The following CLTB variants were observed in gnomAD, a reference collection of about 807,000 sequenced individuals.
CLTB encodes clathrin, light chain (Lcb).
CLTB carries 10 observed loss-of-function variants against 30.5 expected under a neutral mutation model. The ratio of observed to expected loss-of-function variants is 0.33; its 90% CI spans 0.20 to 0.56. The LOEUF (loss-of-function observed/expected upper bound fraction) is 0.56, where lower values mean the gene tolerates loss of function less well. Among genes scored for constraint, CLTB ranks in the 20% least tolerant of loss-of-function variants. CLTB has a pLI of 0.91. For missense variants in CLTB, 261 were observed against 308.3 expected, an observed-to-expected ratio of 0.85 and a Z score of 1.15; for synonymous variants, 102 against 120.3, an observed-to-expected ratio of 0.85 and a Z score of 1.00.
At position 176,416,381 on chromosome 5, in the gene CLTB, C is replaced by T; in HGVS notation, c.-18G>A. 6.3e-7 allele frequency: 1 copy of T among 1,582,272 alleles called. No individual in the cohort carries two copies. ...TCAGCCATTTTCCCCGCGCCTCCGC[C>T]GGAGCCTCCGCTGCGCTCGGCTCTG... On this transcript the variant is annotated 5_prime_UTR_variant, in exon 1 of 6. Coordinates refer to ENST00000310418, the MANE Select transcript of CLTB (RefSeq NM_007097.5).
chr5:176,397,427 GCTCC>G (rs1303244563), intron 4 of CLTB, among the ~76,000 whole-genome samples, 176 bp downstream of exon 4: 1 of 101,116 alleles, frequency 9.9e-6, no homozygotes, highest in Non-Finnish European at 1.9e-5. Context: ...TGTCCCCACA[GCTCC>G]CTCATGTCCC....
intron 2 of CLTB, among the ~76,000 whole-genome samples, chr5:176,401,441 C>G (rs908450750): frequency 1.3e-5 from 2 of 152,228 alleles, no homozygotes; most frequent in Non-Finnish European, 2.9e-5. Context: ...TGTGCCAGCC[C>G]ATGTGGGTGT....
intron 1 of CLTB, among the ~76,000 whole-genome samples, chr5:176,414,683 C>A (rs1757608981): frequency 6.6e-6 from 1 of 152,092 alleles, no homozygotes; most frequent in South Asian, 2.1e-4. Context: ...AGCATGGAGC[C>A]CAGAGTTGGG....
Position 176,393,134 on chromosome 5 carries a change from C to T in CLTB, c.519-189G>A, listed in dbSNP as rs1315883351. The stretch of plus-strand genomic sequence containing the variant: ...GCTTGGTCCTGCCTCAGGACCTTGG[C>T]ACTTGCTATCACCTCTTCCTGGAAC... On this transcript the variant is annotated intron_variant, in intron 5 of 5. Coordinates refer to ENST00000310418, the MANE Select transcript of CLTB (RefSeq NM_007097.5). The surrounding 1 kb of genome is among the most constrained non-coding windows in gnomAD (Gnocchi z 4.4). Among the ~76,000 whole-genome samples the T allele has an allele frequency of 1.3e-5, 2 of 152,146 alleles. No individual in the cohort carries two copies. Among genetic ancestry groups the T allele is most frequent in the Non-Finnish European group, 2.9e-5 (2 of 68,024 alleles).
chr5:176,394,850 ACT>A (rs544288973), intron 5 of CLTB, among the ~76,000 whole-genome samples: 1 of 151,280 alleles, frequency 6.6e-6, no homozygotes, highest in South Asian at 2.1e-4. Context: ...CCTGGTCTAT[ACT>A]CTCTCTTCAG....
intron 2 of CLTB, among the ~76,000 whole-genome samples, chr5:176,404,639 C>A (rs1364826719): frequency 6.6e-6 from 1 of 152,196 alleles, no homozygotes; most frequent in Non-Finnish European, 1.5e-5. Flanking sequence ...CAAGCCTGGC[C>A]AAACTGGGCC....
chr5:176,414,540 A>G (rs1757600678), intron 1 of CLTB, among the ~76,000 whole-genome samples: 1 of 151,040 alleles, frequency 6.6e-6, no homozygotes. Flanking sequence ...GGCTCAAGCT[A>G]TGCTCCTGCC....
At chr5:176,412,843 G>A (rs1370122532) in intron 1 of CLTB, among the ~76,000 whole-genome samples, 1 of 152,154 alleles carries the variant, frequency 6.6e-6, no homozygotes, top group East Asian at 1.9e-4. Context: ...AGCATCTTCT[G>A]CAAAGGGGCT....
At chr5:176,403,462 T>G (rs919960409) in intron 2 of CLTB, among the ~76,000 whole-genome samples, 5 of 150,946 alleles carry the variant, frequency 3.3e-5, no homozygotes, top group African/African-American at 9.8e-5. Context: ...GTTTTGTTTT[T>G]TTTCTTTTTT....
chr5:176,410,955 C>T (rs1757397184), intron 1 of CLTB, among the ~76,000 whole-genome samples: 1 of 152,228 alleles, frequency 6.6e-6, no homozygotes. Flanking sequence ...GGGGCTTCTG[C>T]TACAACACTG....
intron 2 of CLTB, among the ~76,000 whole-genome samples, chr5:176,400,303 G>A (rs1330284507): frequency 1.3e-5 from 2 of 152,290 alleles, no homozygotes; most frequent in East Asian, 3.9e-4. Flanking sequence ...ATATTTAGAA[G>A]AGTGCTTGGT....
In CLTB at chr5:176,398,043, G is replaced by GC; in HGVS notation, c.238dup (p.Ala80GlyfsTer6). ...TGCGTAGCCATCAGCAGGACCGTTG[G>GC]CCTCCTAGAACACAAACACGCAGCA... is the stretch of plus-strand genomic sequence containing the variant. On this transcript the variant is annotated frameshift_variant, in exon 3 of 6. Transcript: ENST00000310418. LOFTEE classifies it high-confidence loss of function. 1 of 1,613,744 alleles carries GC rather than the reference G, an allele frequency of 6.2e-7. No homozygotes were observed. Among genetic ancestry groups the GC allele is most frequent in the Non-Finnish European group, 8.5e-7 (1 of 1,179,942 alleles).
chr5:176,395,134 A>C (rs1345943896), intron 5 of CLTB, among the ~76,000 whole-genome samples: 1 of 148,452 alleles, frequency 6.7e-6, no homozygotes, highest in African/African-American at 2.5e-5. Context: ...GTAGAGCTTC[A>C]GCCACTGCAG....
intron 2 of CLTB, chr5:176,406,227 G>C (rs1279311595): frequency 7.0e-6 from 7 of 1,006,734 alleles, no homozygotes; most frequent in African/African-American, 7.0e-5. Context: ...CCAGCGGCTA[G>C]AGCAATGTTC....
intron 3 of CLTB, 44 bp downstream of exon 3, chr5:176,397,886 A>G: frequency 6.4e-7 from 1 of 1,556,252 alleles, no homozygotes; most frequent in Middle Eastern, 1.7e-4. Context: ...ACTCCACCCC[A>G]CACACAGCCC....
At position 176,393,078 on chromosome 5, in the gene CLTB, G is replaced by A; in HGVS notation, c.519-133C>T. 1.0e-6 allele frequency: 1 copy of A among 997,222 alleles called. No homozygotes were observed. Among genetic ancestry groups the A allele is most frequent in the Non-Finnish European group, 1.5e-6 (1 of 654,266 alleles). The allele number at this position is 997,222 out of a possible 1,614,324, so 61.8% of individuals were successfully genotyped here. A position where few individuals can be genotyped will look rare whatever the true frequency, so the allele number is the denominator to read the frequency against. On this transcript the variant is annotated intron_variant, in intron 5 of 5. Coordinates refer to ENST00000310418, the MANE Select transcript of CLTB (RefSeq NM_007097.5). This position sits in a 1 kb window ranked among gnomAD's most constrained non-coding sequence, Gnocchi z 4.4. ...AGCCTTGTGCCCCCCTGACTTCAGAGGAGGGCAGCCTTGGCGCAGGAGGAA... is the reference window on the plus strand; with the variant it reads ...AGCCTTGTGCCCCCCTGACTTCAGAAGAGGGCAGCCTTGGCGCAGGAGGAA...
chr5:176,393,017 T>A lies in CLTB; in HGVS notation c.519-72A>T. 4.1e-5 allele frequency: 61 copies of A among 1,498,912 alleles called. No individual in the cohort carries two copies. The highest frequency in any genetic ancestry group is 5.1e-5 in the Non-Finnish European group (55 of 1,080,030). The allele number at this position is 1,498,912 out of a possible 1,614,324, so 92.9% of individuals were successfully genotyped here. On this transcript the variant is annotated intron_variant, in intron 5 of 5. Coordinates refer to ENST00000310418, the MANE Select transcript of CLTB (RefSeq NM_007097.5). This position sits in a 1 kb window ranked among gnomAD's most constrained non-coding sequence, Gnocchi z 4.4. Reference sequence around the variant, plus strand: ...CAGCCTTGCCCTTGAGCAAGGCTGCTTTGCCCAGCCTACTCTGGGGCACTG... The same window carrying A: ...CAGCCTTGCCCTTGAGCAAGGCTGCATTGCCCAGCCTACTCTGGGGCACTG...
At chr5:176,413,409 C>T (rs1209698921) in intron 1 of CLTB, among the ~76,000 whole-genome samples, 1 of 152,236 alleles carries the variant, frequency 6.6e-6, no homozygotes, top group African/African-American at 2.4e-5. Flanking sequence ...AAATGGAAAC[C>T]TACCCAAGGC....
intron 1 of CLTB, among the ~76,000 whole-genome samples, chr5:176,411,040 A>G (rs1374045650): frequency 2.0e-5 from 3 of 152,168 alleles, no homozygotes; most frequent in Non-Finnish European, 4.4e-5. Context: ...CACCTGCACA[A>G]CTGCTTTGCC....
Sources: allele counts gnomAD v4.1 joint callset (sites outside exome capture counted in the v4.1 genomes callset), GRCh38; gene constraint gnomAD v4.1.1; non-coding constraint Gnocchi (gnomAD v3.1); transcripts MANE v1.5; gene names NCBI Gene and HGNC (gene_info 2026-07-23, HGNC 2026-07-21).